Variants in DZIP1 observed in about 807,000 individuals in gnomAD.
The protein encoded by DZIP1 is DAZ interacting zinc finger protein 1.
DZIP1 carries 97 observed loss-of-function variants against 107.6 expected under a neutral mutation model. The observed-to-expected ratio is 0.90, with a 90% CI of 0.77 to 1.07. DZIP1 has a LOEUF of 1.07. DZIP1 is among the 50% of genes least tolerant of loss of function. The pLI is 0.00. For missense variants in DZIP1, 1,035 were observed against 1,063.6 expected, an observed-to-expected ratio of 0.97 and a Z score of 0.37; for synonymous variants, 390 against 386.4, an observed-to-expected ratio of 1.01 and a Z score of -0.11.
In DZIP1 at chr13:95,630,010, G is replaced by A. The variant is rs1877007853; in HGVS notation, c.789C>T (p.Ala263=). 1.2e-6 allele frequency: 2 copies of A among 1,612,578 alleles called. No individual in the cohort carries two copies. Among genetic ancestry groups the A allele is most frequent in the African/African-American group, 2.7e-5 (2 of 74,970 alleles). Residue 263 remains alanine, a synonymous_variant, in exon 7 of 23, where the codon GCC becomes GCT. Coordinates refer to ENST00000376829, the MANE Select transcript of DZIP1 (RefSeq NM_198968.4). ...GTACCTTGGAGAATCTGACTGCACT[G>A]GCATGGTGTGCAGCCTCTAGCTCAG... ...TRSELEAAHH[A]SAVRFSKEYE...
chr13:95,607,008 C>T (rs2044800168), intron 13 of DZIP1, among the ~76,000 whole-genome samples: 1 of 152,066 alleles, frequency 6.6e-6, no homozygotes, highest in African/African-American at 2.4e-5. Flanking sequence ...TCTAATCTTA[C>T]CCTAAAAAAT....
intron 7 of DZIP1, 149 bp downstream of exon 7, chr13:95,629,840 G>T: frequency 4.3e-6 from 3 of 702,580 alleles, no homozygotes; most frequent in Non-Finnish European, 6.3e-6. Flanking sequence ...TTTGTAGTAA[G>T]ATACTAAAGA....
chr13:95,604,447 C>T (rs1490254583), intron 14 of DZIP1, among the ~76,000 whole-genome samples: 2 of 152,200 alleles, frequency 1.3e-5, no homozygotes, highest in African/African-American at 2.4e-5. Flanking sequence ...GCTTTGATCC[C>T]CATCCAAGGG....
At chr13:95,636,817 T>C (rs1162255508) in intron 5 of DZIP1, among the ~76,000 whole-genome samples, 1 of 152,156 alleles carries the variant, frequency 6.6e-6, no homozygotes, top group African/African-American at 2.4e-5. Flanking sequence ...AGTGTTTCTC[T>C]GAAGTGCAGT....
At chr13:95,631,922 T>C (rs1387056808) in intron 6 of DZIP1, among the ~76,000 whole-genome samples, 1 of 152,198 alleles carries the variant, frequency 6.6e-6, no homozygotes, top group African/African-American at 2.4e-5. Context: ...ACAACCGTCT[T>C]GACAACAGCC....
rs1302730385 is a variant in DZIP1, at chr13:95,586,098, T to C, written c.2257A>G (p.Met753Val). ...VKTPTEKVEK[M>V]FPHRKNVNKP... ...TTCACATTTTTGCGATGTGGAAACA[T>C]CTTTTCAACTTTTTCAGTAGGTGTT... Residue 753 changes from methionine to valine, a missense_variant, in exon 21 of 23, where the codon ATG becomes GTG. Met to Val is a conservative substitution (Grantham distance 21). Coordinates refer to ENST00000376829, the MANE Select transcript of DZIP1 (RefSeq NM_198968.4). The C allele has an allele frequency of 1.2e-6, 2 of 1,612,080 alleles. No homozygotes were observed. Among genetic ancestry groups the C allele is most frequent in the Admixed American group, 1.7e-5 (1 of 59,598 alleles).
chr13:95,591,022 CTTTT>C (rs755824494), intron 16 of DZIP1, among the ~76,000 whole-genome samples: 10 of 127,454 alleles, frequency 7.8e-5, no homozygotes, highest in Admixed American at 3.9e-4. Context: ...GAGGTGACTT[CTTTT>C]TTTTTTTTTT....
chr13:95,604,649 C>A (rs1408131822), intron 14 of DZIP1, among the ~76,000 whole-genome samples: 2 of 152,156 alleles, frequency 1.3e-5, no homozygotes, highest in Admixed American at 6.5e-5. Context: ...AATGTACCTA[C>A]CAGGGTGTCC....
rs775894382 is a variant in DZIP1, at chr13:95,587,723, A to G, written c.2034T>C (p.Pro678=). ...FPRKSSTITT[P]PFSSEEEQED... is the part of the protein sequence containing the mutation. ...CCTGCTCCTCCTCTGAACTAAAAGG[A>G]GGGGTCCTACACAAATCAACACCGA... is the stretch of plus-strand genomic sequence containing the variant. Residue 678 remains proline (P), a synonymous_variant, in exon 20 of 23, where the codon CCT becomes CCC. Transcript: ENST00000376829. 1 of 1,613,134 alleles carries G rather than the reference A, an allele frequency of 6.2e-7. No homozygotes were observed. Among genetic ancestry groups the G allele is most frequent in the Admixed American group, 1.7e-5 (1 of 59,912 alleles).
chr13:95,612,836 T>G (rs1175080274), intron 10 of DZIP1, among the ~76,000 whole-genome samples: 1 of 152,126 alleles, frequency 6.6e-6, no homozygotes, highest in Non-Finnish European at 1.5e-5. Flanking sequence ...CCACCCGCCT[T>G]GGCCTCTCAA....
At chr13:95,599,223 G>T in intron 15 of DZIP1, 142 bp downstream of exon 15, 1 of 685,916 alleles carries the variant, frequency 1.5e-6, no homozygotes. Flanking sequence ...ACTCTATGTG[G>T]GTTGAAAGTA....
At position 95,641,726 on chromosome 13, in the gene DZIP1, G is replaced by T. The variant is rs764740782; in HGVS notation, c.166C>A (p.Pro56Thr). The change falls in exon 5 of 23, where the codon CCC (proline) becomes ACC (threonine). Residue 56 changes from proline to threonine, a missense_variant. Transcript: ENST00000376829. The surrounding 1 kb of genome is among the most constrained non-coding windows in gnomAD (Gnocchi z 4.3). ...AGCCGCGGCCTGAACTGGAAGAAGG[G>T]CAGGGGCCCCGAAGCCGCGCTGGGG... ...APPSAASGPL[P>T]FFQFRPRLES... 2.2e-5 allele frequency: 35 copies of T among 1,597,622 alleles called. No individual in the cohort carries two copies. Among genetic ancestry groups the T allele is most frequent in the Non-Finnish European group, 3.0e-5 (35 of 1,177,276 alleles).
intron 16 of DZIP1, among the ~76,000 whole-genome samples, chr13:95,591,297 G>T (rs1167876973): frequency 6.6e-6 from 1 of 152,156 alleles, no homozygotes; most frequent in African/African-American, 2.4e-5. Flanking sequence ...AAAGTGCTGG[G>T]ATTACAGGCA....
chr13:95,584,906 G>A lies in DZIP1; in HGVS notation c.2354C>T (p.Ala785Val), dbSNP rs138276983. ...KKEELQELKC[A>V]DVEDEDWDIS... Reference sequence around the variant, plus strand: ...GTCCCAGTCTTCATCCTCCACATCCGCACACTAAAAGAAAGGCATGGAGAA... The same window carrying A: ...GTCCCAGTCTTCATCCTCCACATCCACACACTAAAAGAAAGGCATGGAGAA... Residue 785 changes from alanine to valine, a missense_variant, in exon 22 of 23, where the codon GCG becomes GTG. Ala to Val is a moderately conservative substitution (Grantham distance 64). Transcript: ENST00000376829. 18 of 1,608,108 alleles carry A rather than the reference G, an allele frequency of 1.1e-5. No homozygotes were observed. The highest frequency in any genetic ancestry group is 1.7e-4 in the Middle Eastern group (1 of 6,032).
At chr13:95,594,642 T>C (rs1453076130) in intron 15 of DZIP1, among the ~76,000 whole-genome samples, 4 of 152,066 alleles carry the variant, frequency 2.6e-5, no homozygotes, top group Non-Finnish European at 5.9e-5. Context: ...TCAATTTATT[T>C]TAAATATAAA....
intron 7 of DZIP1, among the ~76,000 whole-genome samples, chr13:95,625,913 A>T (rs567608669): frequency 7.8e-4 from 118 of 152,124 alleles, no homozygotes; most frequent in Non-Finnish European, 1.1e-3. Flanking sequence ...ACTTGATCTC[A>T]GGAGTTTGAG....
At position 95,582,040 on chromosome 13, in the gene DZIP1, G is replaced by A. The variant is rs750623832; in HGVS notation, c.*194C>T. The A allele has an allele frequency of 4.7e-5, 25 of 531,940 alleles. No individual in the cohort carries two copies. The highest frequency in any genetic ancestry group is 2.9e-4 in the African/African-American group (15 of 52,448). 33.0% of individuals were successfully genotyped at this position (531,940 alleles called of 1,614,324 possible). A position where few individuals can be genotyped will look rare whatever the true frequency, so the allele number is the denominator to read the frequency against. ...AGTCTTAAACACCTTTACATGCTTC[G>A]AAATACTGTTGATGATCTGATTTTC... On this transcript the variant is annotated 3_prime_UTR_variant, in exon 23 of 23. Coordinates refer to ENST00000376829, the MANE Select transcript of DZIP1 (RefSeq NM_198968.4).
chr13:95,586,268 T>A, intron 20 of DZIP1, 132 bp from the exon 21 acceptor site: 1 of 707,150 alleles, frequency 1.4e-6, no homozygotes, highest in East Asian at 3.3e-5. Context: ...TAAAATAAAA[T>A]CAGTTGATGT....
Position 95,641,976 on chromosome 13 carries a change from C to G in DZIP1, c.36+18G>C. ...CCCGGCATCCCCGTCGGGGGCGCCC[C>G]GGCCTCCCGCCTCTTACCATGCTTG... On this transcript the variant is annotated intron_variant, in intron 4 of 22. Coordinates refer to ENST00000376829, the MANE Select transcript of DZIP1 (RefSeq NM_198968.4). This position sits in a 1 kb window ranked among gnomAD's most constrained non-coding sequence, Gnocchi z 4.3. The G allele has an allele frequency of 1.3e-6, 2 of 1,575,154 alleles. No homozygotes were observed. The highest frequency in any genetic ancestry group is 2.5e-5 in the East Asian group (1 of 40,116).
Sources: gnomAD v4.1 joint callset for allele counts (sites outside exome capture counted in the v4.1 genomes callset) on GRCh38, gnomAD v4.1.1 for gene constraint, Gnocchi (gnomAD v3.1) non-coding constraint, MANE v1.5 for transcripts, NCBI Gene and HGNC (gene_info 2026-07-23, HGNC 2026-07-21) for gene names.